The following DPYSL2 variants were observed in gnomAD, a reference collection of about 807,000 sequenced individuals.
The protein encoded by DPYSL2 is dihydropyrimidinase-related protein 2.
In DPYSL2, 13 loss-of-function variants were observed where a neutral mutation model predicts 69.9. The ratio of observed to expected loss-of-function variants is 0.19; its 90% CI spans 0.12 to 0.30. The LOEUF (loss-of-function observed/expected upper bound fraction) is 0.30, where lower values mean the gene tolerates loss of function less well. DPYSL2 is among the 10% of genes least tolerant of loss of function. The pLI is 1.00. For missense variants in DPYSL2, 587 were observed against 918.9 expected (o/e 0.64, Z 4.67); for synonymous variants, 326 against 359.1 (o/e 0.91, Z 1.04).
chr8:26,626,518 C>CGA lies in DPYSL2; in HGVS notation c.794-99_794-98insGA. 4 of 924,048 alleles carry CGA rather than the reference C, an allele frequency of 4.3e-6. No homozygotes were observed. The highest frequency in any genetic ancestry group is 5.1e-6 in the Non-Finnish European group (3 of 591,208). The allele number at this position is 924,048 out of a possible 1,614,324, so 57.2% of individuals were successfully genotyped here. On this transcript the variant is annotated intron_variant, in intron 4 of 13. Transcript: ENST00000521913. This position sits in a 1 kb window ranked among gnomAD's most constrained non-coding sequence, Gnocchi z 4.3. ...ACACACACACACACACACACACACA[C>CGA]ACACGTACACACACAGACAGTATTA...
At chr8:26,522,815 A>G (rs1410346147) in intron 1 of DPYSL2, among the ~76,000 whole-genome samples, 3 of 151,772 alleles carry the variant, frequency 2.0e-5, no homozygotes, top group African/African-American at 7.3e-5. Flanking sequence ...TACTTTTTTG[A>G]TGGTATGCAA....
rs1483796597 is a variant in DPYSL2, at chr8:26,514,507, C to T, written c.182C>T (p.Ser61Leu). 3 of 1,529,012 alleles carry T rather than the reference C, an allele frequency of 2.0e-6. No individual in the cohort carries two copies. The highest frequency in any genetic ancestry group is 2.6e-6 in the Non-Finnish European group (3 of 1,144,486). 94.7% of individuals were successfully genotyped at this position (1,529,012 alleles called of 1,614,324 possible). ...DFDSLSVGRG[S>L]GQVVAQQRDV... ...GACTCGCTGTCGGTGGGCCGGGGCT[C>T]GGGGCAGGTGGTGGCTCAGCAGCGG... The change falls in exon 1 of 14, where the codon TCG becomes TTG. Residue 61 changes from serine to leucine, a missense_variant. Transcript: ENST00000521913. This position sits in a 1 kb window ranked among gnomAD's most constrained non-coding sequence, Gnocchi z 8.4.
In DPYSL2 at chr8:26,522,047, C is replaced by T. The variant is rs184839286; in HGVS notation, c.354+7368C>T. 3.0e-4 allele frequency among the ~76,000 whole-genome samples: 45 copies of T among 152,308 alleles called. 1 individual carries two copies. Among genetic ancestry groups the T allele is most frequent in the African/African-American group, 7.7e-4 (32 of 41,550 alleles). On this transcript the variant is annotated intron_variant, in intron 1 of 13. Transcript: ENST00000521913. ...TTAAGGCTGGGCACAGTGGCTCATGCCTGTAATCCCAGCACTTTGGGAGGC... is the reference window on the plus strand; with the variant it reads ...TTAAGGCTGGGCACAGTGGCTCATGTCTGTAATCCCAGCACTTTGGGAGGC...
rs1803296895 is a variant in DPYSL2 at position 26,652,392 on chromosome 8, C to G, written c.1732C>G (p.Pro578Ala). 21 of 1,614,042 alleles carry G rather than the reference C, an allele frequency of 1.3e-5. No individual in the cohort carries two copies. Among genetic ancestry groups the G allele is most frequent in the East Asian group, 2.2e-5 (1 of 44,874 alleles). ...CTCTGGACGCTACATTCCCCGGAAGCCCTTCCCTGATTTTGTTTACAAGCG... is the reference window on the plus strand; with the variant it reads ...CTCTGGACGCTACATTCCCCGGAAGGCCTTCCCTGATTTTGTTTACAAGCG... ...EGSGRYIPRK[P>A]FPDFVYKRIK... Residue 578 changes from proline (P) to alanine (A), a missense_variant, in exon 12 of 14, where the codon CCC becomes GCC. By Grantham distance (27) the Pro-to-Ala change is conservative (BLOSUM62 -1). Coordinates refer to ENST00000521913, the MANE Select transcript of DPYSL2 (RefSeq NM_001197293.3). The surrounding 1 kb of genome is among the most constrained non-coding windows in gnomAD (Gnocchi z 6.3).
In DPYSL2 at chr8:26,593,200, G is replaced by C. The variant is rs939605921; in HGVS notation, c.628+9217G>C. On this transcript the variant is annotated intron_variant, in intron 3 of 13. Transcript: ENST00000521913. The surrounding 1 kb of genome is among the most constrained non-coding windows in gnomAD (Gnocchi z 5.7). ...TTGGGTCGCGGTGGCTGAGGCTGCT[G>C]TCCAGTTAAGAGAATTTTGCAATGA... Among the ~76,000 whole-genome samples, 3 of 152,134 alleles carry C rather than the reference G, an allele frequency of 2.0e-5. No homozygotes were observed. The highest frequency in any genetic ancestry group is 7.2e-5 in the African/African-American group (3 of 41,432).
intron 1 of DPYSL2, among the ~76,000 whole-genome samples, chr8:26,515,463 G>C (rs916282675): frequency 2.0e-5 from 3 of 152,182 alleles, no homozygotes. Flanking sequence ...GACAAGAAAA[G>C]GGGGAAAACC....
At chr8:26,634,119 A>G (rs1482584490) in intron 7 of DPYSL2, among the ~76,000 whole-genome samples, 3 of 152,242 alleles carry the variant, frequency 2.0e-5, no homozygotes, top group African/African-American at 4.8e-5. Flanking sequence ...AATCACCCAC[A>G]TTGCTGGGTC....
Position 26,655,738 on chromosome 8 carries a change from G to A in DPYSL2, c.*32G>A. On this transcript the variant is annotated 3_prime_UTR_variant, in exon 14 of 14. Transcript: ENST00000521913. ...TGGGCTGTGCCGTCCACTGGGGACT[G>A]GGGATGGGACACCTGAGGACATTCT... 6.5e-7 allele frequency: 1 copy of A among 1,546,832 alleles called. No individual in the cohort carries two copies. The highest frequency in any genetic ancestry group is 8.8e-7 in the Non-Finnish European group (1 of 1,140,322).
intron 1 of DPYSL2, among the ~76,000 whole-genome samples, chr8:26,553,392 A>C (rs1800899508): frequency 6.6e-6 from 1 of 151,848 alleles, no homozygotes; most frequent in Non-Finnish European, 1.5e-5. Flanking sequence ...CTCCATCCTT[A>C]AGTAGGCCAC....
chr8:26,536,277 A>T (rs973778993), intron 1 of DPYSL2, among the ~76,000 whole-genome samples: 1 of 151,736 alleles, frequency 6.6e-6, no homozygotes, highest in African/African-American at 2.4e-5. Flanking sequence ...AGGTTTCAGC[A>T]TATTGCCCAG....
At chr8:26,557,812 C>G (rs1046768204) in intron 1 of DPYSL2, among the ~76,000 whole-genome samples, 1 of 150,802 alleles carries the variant, frequency 6.6e-6, no homozygotes. Flanking sequence ...ACAAACAAAC[C>G]CAGCAACAAT....
At chr8:26,572,569 G>A (rs1266287071) in intron 1 of DPYSL2, among the ~76,000 whole-genome samples, 2 of 152,082 alleles carry the variant, frequency 1.3e-5, no homozygotes, top group Non-Finnish European at 1.5e-5. Context: ...ACGCAATCTC[G>A]GCTCACTGCA....
In DPYSL2 at chr8:26,582,207, A is replaced by G; in HGVS notation, c.443+150A>G. The G allele has an allele frequency of 1.6e-6, 1 of 610,408 alleles. No individual in the cohort carries two copies. Among genetic ancestry groups the G allele is most frequent in the South Asian group, 2.3e-5 (1 of 42,864 alleles). The allele number at this position is 610,408 out of a possible 1,614,324, so 37.8% of individuals were successfully genotyped here. ...TTTTAAACTGGTTTTGATTGGTGGT[A>G]ATTAGTGAATTTGAAAACTCAAATT... On this transcript the variant is annotated intron_variant, in intron 2 of 13. Transcript: ENST00000521913. The surrounding 1 kb of genome is among the most constrained non-coding windows in gnomAD (Gnocchi z 4.1).
In DPYSL2 at chr8:26,564,433, T is replaced by A. The variant is rs1801118570; in HGVS notation, c.355-17536T>A. Among the ~76,000 whole-genome samples, 1 of 152,004 alleles carries A rather than the reference T, an allele frequency of 6.6e-6. No homozygotes were observed. On this transcript the variant is annotated intron_variant, in intron 1 of 13. Coordinates refer to ENST00000521913, the MANE Select transcript of DPYSL2 (RefSeq NM_001197293.3). This position sits in a 1 kb window ranked among gnomAD's most constrained non-coding sequence, Gnocchi z 4.8. ...AGAGGTGGAGAGGAAGACTTTGAGATTTGGGAGCAGGCCGGGGTGGGAAAC... is the reference window on the plus strand; with the variant it reads ...AGAGGTGGAGAGGAAGACTTTGAGAATTGGGAGCAGGCCGGGGTGGGAAAC...
At chr8:26,555,684 A>G (rs1189210708) in intron 1 of DPYSL2, among the ~76,000 whole-genome samples, 1 of 151,716 alleles carries the variant, frequency 6.6e-6, no homozygotes, top group Non-Finnish European at 1.5e-5. Context: ...AAGGAGTTTG[A>G]GACCAGCCTG....
chr8:26,627,330 C>A lies in DPYSL2; in HGVS notation c.936+35C>A, dbSNP rs746686354. The A allele has an allele frequency of 1.2e-6, 2 of 1,606,220 alleles. No individual in the cohort carries two copies. The highest frequency in any genetic ancestry group is 1.7e-6 in the Non-Finnish European group (2 of 1,173,016). ...TTTCTTTTTCGTCATTTCTTCATCA[C>A]CTGGAGGGTGAGAGGCAGGCTCAAG... On this transcript the variant is annotated intron_variant, in intron 6 of 13. Coordinates refer to ENST00000521913, the MANE Select transcript of DPYSL2 (RefSeq NM_001197293.3). This position sits in a 1 kb window ranked among gnomAD's most constrained non-coding sequence, Gnocchi z 6.9.
At chr8:26,602,371 T>G (rs767237832) in intron 3 of DPYSL2, among the ~76,000 whole-genome samples, 1 of 152,176 alleles carries the variant, frequency 6.6e-6, no homozygotes, top group Non-Finnish European at 1.5e-5. Context: ...TGTGGTTCCC[T>G]TAAGTGCACT....
chr8:26,653,179 G>A lies in DPYSL2; in HGVS notation c.1777-53G>A, dbSNP rs1402348503. 2.5e-5 allele frequency: 40 copies of A among 1,587,076 alleles called. No individual in the cohort carries two copies. Among genetic ancestry groups the A allele is most frequent in the Non-Finnish European group, 3.3e-5 (39 of 1,164,488 alleles). On this transcript the variant is annotated intron_variant, in intron 12 of 13. Transcript: ENST00000521913. This position sits in a 1 kb window ranked among gnomAD's most constrained non-coding sequence, Gnocchi z 5.7. Reference sequence around the variant, plus strand: ...TCCTCCCTCCAGGAGGGTTTCTAGAGAGGTATCCTCTGTGGCTGTGGCCTG... The same window carrying A: ...TCCTCCCTCCAGGAGGGTTTCTAGAAAGGTATCCTCTGTGGCTGTGGCCTG...
chr8:26,587,021 A>G lies in DPYSL2; in HGVS notation c.628+3038A>G, dbSNP rs1405648943. Among the ~76,000 whole-genome samples the G allele has an allele frequency of 6.6e-6, 1 of 152,184 alleles. No individual in the cohort carries two copies. Among genetic ancestry groups the G allele is most frequent in the East Asian group, 1.9e-4 (1 of 5,196 alleles). On this transcript the variant is annotated intron_variant, in intron 3 of 13. Coordinates refer to ENST00000521913, the MANE Select transcript of DPYSL2 (RefSeq NM_001197293.3). This position sits in a 1 kb window ranked among gnomAD's most constrained non-coding sequence, Gnocchi z 4.2. The stretch of plus-strand genomic sequence containing the variant: ...GTTTACTGACCTCTGTAGAATTTCT[A>G]CTAGCCTGCCTTTCCCCGGGGGAGG...
Sources: gnomAD v4.1 joint callset for allele counts (sites outside exome capture counted in the v4.1 genomes callset) on GRCh38, gnomAD v4.1.1 for gene constraint, Gnocchi (gnomAD v3.1) non-coding constraint, MANE v1.5 for transcripts, NCBI Gene and HGNC (gene_info 2026-07-23, HGNC 2026-07-21) for gene names.